EIF3H: variants seen among roughly 807,000 people sequenced by gnomAD.
The protein encoded by EIF3H is eIF-3-gamma.
EIF3H carries 26 observed loss-of-function variants against 44.2 expected under a neutral mutation model. The ratio of observed to expected loss-of-function variants is 0.59; its 90% CI spans 0.43 to 0.82. The LOEUF (loss-of-function observed/expected upper bound fraction) is 0.82, where lower values mean the gene tolerates loss of function less well. Ranked by LOEUF, EIF3H falls within the 40% of genes least tolerant of loss-of-function variation. EIF3H has a pLI of 0.00. For synonymous variants in EIF3H, 166 were observed against 151.9 expected (o/e 1.09, Z -0.68); for missense variants, 359 against 432.8 (o/e 0.83, Z 1.51).
At chr8:116,699,247 C>T (rs1476469077) in intron 2 of EIF3H, among the ~76,000 whole-genome samples, 2 of 152,126 alleles carry the variant, frequency 1.3e-5, no homozygotes, top group African/African-American at 4.8e-5. Context: ...TCAACTGTAT[C>T]ATATGAATTA....
At chr8:116,695,500 T>C (rs1814254787) in intron 2 of EIF3H, among the ~76,000 whole-genome samples, 1 of 151,958 alleles carries the variant, frequency 6.6e-6, no homozygotes, top group Admixed American at 6.6e-5. Context: ...GTAAGTAGGG[T>C]ATCAAAGTAG....
intron 1 of EIF3H, among the ~76,000 whole-genome samples, chr8:116,742,329 T>C (rs147080705): frequency 1.3e-3 from 204 of 152,314 alleles, no homozygotes; most frequent in African/African-American, 4.8e-3. Flanking sequence ...GTACTAATCT[T>C]ATAAAAATTA....
At chr8:116,765,623 G>C (rs1057238517) in exon 1 of EIF3H, 1 of 152,208 alleles carries the variant, frequency 6.6e-6, no homozygotes, top group Admixed American at 6.5e-5. Context: ...AGTCAGCTTT[G>C]TGCCTTCCTG....
In EIF3H at chr8:116,680,038, G is replaced by C. The variant is rs1474202237; in HGVS notation, c.290-21058C>G. ...GCCGCCCCGTCCGGGAGGGAGGCGG[G>C]GGGGGGGTCGGCCAGCCGCCCTGTC... On this transcript the variant is annotated intron_variant, in intron 2 of 7. Coordinates refer to ENST00000521861, the MANE Select transcript of EIF3H (RefSeq NM_003756.3). Among the ~76,000 whole-genome samples, 5 of 24,098 alleles carry C rather than the reference G, an allele frequency of 2.1e-4. 1 individual carries two copies. Among genetic ancestry groups the C allele is most frequent in the East Asian group, 1.4e-3 (2 of 1,416 alleles). The allele number at this position is 24,098 out of a possible 152,430, so 15.8% of individuals were successfully genotyped here.
At chr8:116,687,536 T>C (rs59700246) in intron 2 of EIF3H, among the ~76,000 whole-genome samples, 3 of 152,104 alleles carry the variant, frequency 2.0e-5, no homozygotes, top group Non-Finnish European at 4.4e-5. Context: ...CATTACTGTA[T>C]CACATAAAGA....
intron 2 of EIF3H, among the ~76,000 whole-genome samples, chr8:116,712,214 AT>A (rs1389842254): frequency 6.6e-6 from 1 of 152,196 alleles, no homozygotes; most frequent in Non-Finnish European, 1.5e-5. Context: ...TCTACCACAG[AT>A]GCTGGTTGTG....
At chr8:116,724,282 C>G (rs994136357) in intron 2 of EIF3H, among the ~76,000 whole-genome samples, 1 of 152,152 alleles carries the variant, frequency 6.6e-6, no homozygotes, top group Non-Finnish European at 1.5e-5. Flanking sequence ...GGACCCTTAC[C>G]TTGTATACAG....
At chr8:116,665,219 C>T (rs1337053685) in intron 2 of EIF3H, among the ~76,000 whole-genome samples, 2 of 152,130 alleles carry the variant, frequency 1.3e-5, no homozygotes, top group African/African-American at 4.8e-5. Flanking sequence ...TTCCAGAAAC[C>T]ACATCTTGTC....
At chr8:116,647,321 C>T (rs1813320243) in intron 6 of EIF3H, among the ~76,000 whole-genome samples, 1 of 152,160 alleles carries the variant, frequency 6.6e-6, no homozygotes, top group Non-Finnish European at 1.5e-5. Flanking sequence ...AGGCTGGTCT[C>T]AAACCCCTGA....
intron 1 of EIF3H, among the ~76,000 whole-genome samples, chr8:116,727,006 T>G (rs191717783): frequency 6.6e-6 from 1 of 152,322 alleles, no homozygotes; most frequent in East Asian, 1.9e-4. Context: ...AGGCAACACA[T>G]TCAAAATTGT....
At chr8:116,654,814 C>A (rs1427973786) in intron 5 of EIF3H, among the ~76,000 whole-genome samples, 3 of 152,146 alleles carry the variant, frequency 2.0e-5, no homozygotes, top group Admixed American at 1.3e-4. Flanking sequence ...CACAGTCCTA[C>A]CCGTGCCAGA....
intron 1 of EIF3H, among the ~76,000 whole-genome samples, chr8:116,740,464 C>A (rs1181385462): frequency 6.6e-6 from 1 of 152,140 alleles, no homozygotes; most frequent in Non-Finnish European, 1.5e-5. Context: ...AGCTCTAATT[C>A]TATTCTGAAC....
At chr8:116,725,631 ACTC>A (rs1270846391) in intron 2 of EIF3H, among the ~76,000 whole-genome samples, 2 of 152,140 alleles carry the variant, frequency 1.3e-5, no homozygotes, top group East Asian at 1.9e-4. Flanking sequence ...AGAAAATTGA[ACTC>A]CATCTCTTTC....
upstream of EIF3H, among the ~76,000 whole-genome samples, chr8:116,759,739 A>G (rs566164347): frequency 1.3e-5 from 2 of 152,074 alleles, no homozygotes; most frequent in African/African-American, 4.8e-5. Flanking sequence ...GCGCGCACAC[A>G]CGCACATGCT....
intron 1 of EIF3H, among the ~76,000 whole-genome samples, chr8:116,735,763 C>T (rs34043638): frequency 0.048 from 7,232 of 151,450 alleles, 231 homozygotes; most frequent in Non-Finnish European, 0.072. Flanking sequence ...TTATTACGCT[C>T]TGCAGGTATG....
chr8:116,676,810 T>C (rs1401012511), intron 2 of EIF3H, among the ~76,000 whole-genome samples: 5 of 152,220 alleles, frequency 3.3e-5, no homozygotes, highest in Admixed American at 6.5e-5. Flanking sequence ...TGGTGCACTA[T>C]ATTTCTGCTT....
chr8:116,646,692 C>G, intron 6 of EIF3H, 89 bp from the exon 7 acceptor site: 1 of 1,512,652 alleles, frequency 6.6e-7, no homozygotes, highest in Non-Finnish European at 9.0e-7. Context: ...CAGCAGAACC[C>G]CACTGCTCTG....
chr8:116,704,682 A>G (rs1814437738), intron 2 of EIF3H, among the ~76,000 whole-genome samples: 1 of 152,244 alleles, frequency 6.6e-6, no homozygotes, highest in African/African-American at 2.4e-5. Context: ...ACAACTGCAT[A>G]AAAGGGAAAA....
intron 2 of EIF3H, among the ~76,000 whole-genome samples, chr8:116,719,996 C>A (rs1219774433): frequency 6.6e-6 from 1 of 152,140 alleles, no homozygotes; most frequent in African/African-American, 2.4e-5. Flanking sequence ...GTTTCAGTCC[C>A]TGTATTACCA....
Sources: gnomAD v4.1 joint callset for allele counts (sites outside exome capture counted in the v4.1 genomes callset) on GRCh38, gnomAD v4.1.1 for gene constraint, MANE v1.5 for transcripts, NCBI Gene and HGNC (gene_info 2026-07-23, HGNC 2026-07-21) for gene names.